CAMTA1: variants seen among roughly 807,000 people sequenced by gnomAD.
CAMTA1 encodes the protein calmodulin binding transcription activator 1.
Under a neutral mutation model 170.9 loss-of-function variants are expected in CAMTA1, and 27 were observed. The ratio of observed to expected loss-of-function variants is 0.16; its 90% CI spans 0.12 to 0.22. CAMTA1 has a LOEUF of 0.22. Ranked by LOEUF, CAMTA1 falls within the 10% of genes least tolerant of loss-of-function variation. CAMTA1 has a pLI of 1.00. For synonymous variants in CAMTA1, 833 were observed against 891.5 expected (o/e 0.93, Z 1.17); for missense variants, 1,619 against 2,217.2 (o/e 0.73, Z 5.42).
chr1:7,240,519 T>C (rs1454285421), intron 4 of CAMTA1, among the ~76,000 whole-genome samples: 6 of 134,878 alleles, frequency 4.4e-5, no homozygotes, highest in Non-Finnish European at 7.9e-5. Context: ...TTCCAGAGTC[T>C]TTTTTTTTTT....
At chr1:6,930,397 A>G (rs1259239950) in intron 3 of CAMTA1, among the ~76,000 whole-genome samples, 2 of 152,152 alleles carry the variant, frequency 1.3e-5, no homozygotes, top group African/African-American at 4.8e-5. Context: ...AGGACTCTAC[A>G]TGGAGCCCAC....
At chr1:7,679,383 C>T (rs937972906) in intron 11 of CAMTA1, among the ~76,000 whole-genome samples, 1 of 152,198 alleles carries the variant, frequency 6.6e-6, no homozygotes, top group African/African-American at 2.4e-5. Flanking sequence ...GCTCAGGACA[C>T]ATCTGCAGGC....
rs3813809 is a variant in CAMTA1 at position 7,768,357 on chromosome 1, C to T, written c.*1866C>T. ...AATGTTAAATTGAGAGAATAAAGTTCGTATTTGCTGATGCCAGTTTAAAAT... is the reference window on the plus strand; with the variant it reads ...AATGTTAAATTGAGAGAATAAAGTTTGTATTTGCTGATGCCAGTTTAAAAT... On this transcript the variant is annotated 3_prime_UTR_variant, in exon 23 of 23. Transcript: ENST00000303635. 3.3e-5 allele frequency: 5 copies of T among 152,714 alleles called. No homozygotes were observed. Among genetic ancestry groups the T allele is most frequent in the Admixed American group, 2.6e-4 (4 of 15,272 alleles). The allele number at this position is 152,714 out of a possible 1,614,324, so 9.5% of individuals were successfully genotyped here.
intron 5 of CAMTA1, among the ~76,000 whole-genome samples, chr1:7,384,856 T>C (rs1322269279): frequency 6.6e-6 from 1 of 152,054 alleles, no homozygotes; most frequent in Non-Finnish European, 1.5e-5. Flanking sequence ...TCCAACTACC[T>C]CTTGGGCCAC....
chr1:7,767,843 CA>C lies in CAMTA1; in HGVS notation c.*1365del, dbSNP rs34335657. On this transcript the variant is annotated 3_prime_UTR_variant, in exon 23 of 23. Transcript: ENST00000303635. ...ATTTTGCTAAAGCATGACTAAACTG[CA>C]AAAAAAAAAAAAGAGCTACTGTATT... 48 of 136,378 alleles carry C rather than the reference CA, an allele frequency of 3.5e-4. No homozygotes were observed. Among genetic ancestry groups the C allele is most frequent in the African/African-American group, 5.2e-4 (19 of 36,828 alleles). The allele number at this position is 136,378 out of a possible 1,614,324, so 8.4% of individuals were successfully genotyped here.
At chr1:7,367,371 C>A (rs1196647112) in intron 5 of CAMTA1, among the ~76,000 whole-genome samples, 1 of 152,274 alleles carries the variant, frequency 6.6e-6, no homozygotes, top group African/African-American at 2.4e-5. Flanking sequence ...CACTCCACAT[C>A]ATAATGGCCA....
At chr1:7,519,416 G>A (rs531679397) in intron 6 of CAMTA1, among the ~76,000 whole-genome samples, 9 of 151,964 alleles carry the variant, frequency 5.9e-5, no homozygotes, top group Admixed American at 6.5e-5. Flanking sequence ...AGCTCTGCAC[G>A]CCTGGAGCCT....
At chr1:7,123,177 G>T (rs1486092377) in intron 4 of CAMTA1, among the ~76,000 whole-genome samples, 4 of 152,082 alleles carry the variant, frequency 2.6e-5, no homozygotes, top group Non-Finnish European at 5.9e-5. Flanking sequence ...TCATGGTTCT[G>T]GAGGCCAGAA....
intron 3 of CAMTA1, among the ~76,000 whole-genome samples, chr1:6,876,620 C>T (rs773139674): frequency 3.3e-5 from 5 of 152,154 alleles, no homozygotes; most frequent in Admixed American, 6.5e-5. Context: ...GCCTCGGCCT[C>T]CTAGAGTGCT....
At chr1:7,402,166 T>G (rs188002399) in intron 5 of CAMTA1, among the ~76,000 whole-genome samples, 22 of 152,310 alleles carry the variant, frequency 1.4e-4, no homozygotes, top group Admixed American at 7.2e-4. Flanking sequence ...CCAGGTGTTA[T>G]TGTCAATTAC....
At chr1:7,593,539 G>A (rs2095370590) in intron 6 of CAMTA1, among the ~76,000 whole-genome samples, 1 of 149,616 alleles carries the variant, frequency 6.7e-6, no homozygotes, top group Non-Finnish European at 1.5e-5. Context: ...ACCCAGGCTG[G>A]AGTGCAGTGG....
intron 4 of CAMTA1, among the ~76,000 whole-genome samples, chr1:7,164,171 T>C (rs934360452): frequency 3.3e-5 from 5 of 152,086 alleles, no homozygotes; most frequent in Non-Finnish European, 5.9e-5. Context: ...AGTGTAGAAG[T>C]CAAGTCCATC....
At chr1:7,191,931 T>C (rs1654605718) in intron 4 of CAMTA1, among the ~76,000 whole-genome samples, 1 of 152,196 alleles carries the variant, frequency 6.6e-6, no homozygotes, top group Non-Finnish European at 1.5e-5. Context: ...GGGAACTCAC[T>C]GTGTCACTAG....
At chr1:6,977,387 C>G (rs1410519240) in intron 3 of CAMTA1, among the ~76,000 whole-genome samples, 1 of 151,780 alleles carries the variant, frequency 6.6e-6, no homozygotes, top group Non-Finnish European at 1.5e-5. Context: ...GTCACCCAGG[C>G]TGGAGTGCAG....
rs10864295 is a variant in CAMTA1, at chr1:7,333,713, A to C, written c.438+84087A>C. Among the ~76,000 whole-genome samples the C allele has an allele frequency of 6.6e-6, 1 of 152,064 alleles. No individual in the cohort carries two copies. Among genetic ancestry groups the C allele is most frequent in the Non-Finnish European group, 1.5e-5 (1 of 67,998 alleles). ...CATCCCGGTGATCTGTGTGCCTTGCAGGGGCGTGGAGCCTGGTGTATTTAC... is the reference window on the plus strand; with the variant it reads ...CATCCCGGTGATCTGTGTGCCTTGCCGGGGCGTGGAGCCTGGTGTATTTAC... On this transcript the variant is annotated intron_variant, in intron 5 of 22. Coordinates refer to ENST00000303635, the MANE Select transcript of CAMTA1 (RefSeq NM_015215.4). This position sits in a 1 kb window ranked among gnomAD's most constrained non-coding sequence, Gnocchi z 4.4.
At chr1:6,842,615 A>G (rs1423058675) in intron 3 of CAMTA1, among the ~76,000 whole-genome samples, 2 of 152,318 alleles carry the variant, frequency 1.3e-5, no homozygotes, top group East Asian at 3.9e-4. Context: ...GCTTAAACAA[A>G]TTGTGGTTAA....
At chr1:6,789,804 CTTTTTTTTTTT>C (rs34542033) in intron 1 of CAMTA1, among the ~76,000 whole-genome samples, 28 of 85,672 alleles carry the variant, frequency 3.3e-4, no homozygotes, top group Non-Finnish European at 4.5e-4. Context: ...TTTAGTGTAT[CTTTTTTTTTTT>C]TTTTTTTTTT....
chr1:7,574,940 G>T (rs1178583269), intron 6 of CAMTA1, among the ~76,000 whole-genome samples: 2 of 152,234 alleles, frequency 1.3e-5, no homozygotes, highest in Non-Finnish European at 2.9e-5. Flanking sequence ...GGACGGACAT[G>T]TCGACCAGCA....
intron 3 of CAMTA1, among the ~76,000 whole-genome samples, chr1:6,825,537 T>G (rs1647006746): frequency 6.6e-6 from 1 of 152,250 alleles, no homozygotes. Context: ...TTAGTTGTTA[T>G]GTCTTCATGA....
Sources: gnomAD v4.1 joint callset for allele counts (sites outside exome capture counted in the v4.1 genomes callset) on GRCh38, gnomAD v4.1.1 for gene constraint, Gnocchi (gnomAD v3.1) non-coding constraint, MANE v1.5 for transcripts, NCBI Gene and HGNC (gene_info 2026-07-23, HGNC 2026-07-21) for gene names.